LIPN: variants seen among roughly 807,000 people sequenced by gnomAD.
LIPN encodes lipase family member N, also known as lipase member N.
LIPN carries 32 observed loss-of-function variants against 43.7 expected under a neutral mutation model. That is an observed-to-expected ratio of 0.73 (90% CI 0.55 to 0.98). The LOEUF is 0.98. LIPN is among the 50% of genes least tolerant of loss of function. LIPN has a pLI of 0.00. For missense variants in LIPN, 505 were observed against 483.8 expected (o/e 1.04, Z -0.41); for synonymous variants, 156 against 157.6 (o/e 0.99, Z 0.08).
At chr10:88,761,697 A>G (rs1391453481) in intron 2 of LIPN, among the ~76,000 whole-genome samples, 184 bp downstream of exon 2, 1 of 152,032 alleles carries the variant, frequency 6.6e-6, no homozygotes. Flanking sequence ...TCCGGTAATG[A>G]AAACCAAATT....
At chr10:88,768,702 GA>G in intron 5 of LIPN, 89 bp from the exon 6 acceptor site, 4 of 1,073,600 alleles carry the variant, frequency 3.7e-6, no homozygotes, top group South Asian at 1.6e-5. Context: ...ACGATAGAAG[GA>G]AAAAATGACT....
At chr10:88,771,496 A>G (rs531207461) in intron 7 of LIPN, among the ~76,000 whole-genome samples, 69 of 151,728 alleles carry the variant, frequency 4.5e-4, no homozygotes, top group Non-Finnish European at 8.2e-4. Context: ...ACTCCCCTAT[A>G]TGAGTGAGAA....
chr10:88,760,730 G>T (rs1214874081), intron 1 of LIPN, among the ~76,000 whole-genome samples: 1 of 152,064 alleles, frequency 6.6e-6, no homozygotes, highest in Non-Finnish European at 1.5e-5. Flanking sequence ...CTTGCCTGAG[G>T]TTAGACATCT....
chr10:88,757,446 C>T (rs1237120887), upstream of LIPN, among the ~76,000 whole-genome samples: 1 of 152,102 alleles, frequency 6.6e-6, no homozygotes, highest in East Asian at 1.9e-4. Flanking sequence ...GTGATCTTTC[C>T]TTTGAACATT....
chr10:88,776,891 A>G lies in LIPN; in HGVS notation c.964-1118A>G, dbSNP rs990954503. ...AAGTTATTCCGGTCCTGTGCCCTTG[A>G]TCCCATCTCTTCTCACTTCCCCTTC... is the stretch of plus-strand genomic sequence containing the variant. On this transcript the variant is annotated intron_variant, in intron 9 of 9. Coordinates refer to ENST00000404459, the MANE Select transcript of LIPN (RefSeq NM_001102469.2). Among the ~76,000 whole-genome samples the G allele has an allele frequency of 2.6e-5, 4 of 151,834 alleles. No individual in the cohort carries two copies. In the East Asian group the frequency reaches 7.7e-4, roughly 29 times the overall value.
chr10:88,775,570 C>T (rs1250022768), intron 9 of LIPN, among the ~76,000 whole-genome samples: 1 of 151,870 alleles, frequency 6.6e-6, no homozygotes, highest in Non-Finnish European at 1.5e-5. Flanking sequence ...AAAATCTTTA[C>T]AGCATAAATG....
chr10:88,773,544 C>A (rs1344152491), intron 7 of LIPN, among the ~76,000 whole-genome samples: 1 of 151,768 alleles, frequency 6.6e-6, no homozygotes, highest in African/African-American at 2.4e-5. Context: ...GAAGAAGCAG[C>A]AGTCCTGTTT....
At chr10:88,766,429 CA>C (rs1419016648) in intron 5 of LIPN, 51 bp downstream of exon 5, 1 of 1,019,700 alleles carries the variant, frequency 9.8e-7, no homozygotes, top group Non-Finnish European at 1.6e-6. Context: ...TCAGTTTTCT[CA>C]GAGTCTTACA....
At chr10:88,766,210 C>T (rs1843093445) in intron 4 of LIPN, 59 bp from the exon 5 acceptor site, 2 of 815,904 alleles carry the variant, frequency 2.5e-6, no homozygotes. Flanking sequence ...TGAGCAAGTG[C>T]TCTGAGTTTT....
At chr10:88,772,779 A>C (rs1843231449) in intron 7 of LIPN, among the ~76,000 whole-genome samples, 1 of 151,828 alleles carries the variant, frequency 6.6e-6, no homozygotes, top group Non-Finnish European at 1.5e-5. Context: ...TGATAAACAA[A>C]TTCATTAAAT....
rs747875929 is a variant in LIPN, at chr10:88,778,430, G to A, written c.*188G>A. Among the ~76,000 whole-genome samples the A allele has an allele frequency of 2.0e-5, 3 of 152,052 alleles. No individual in the cohort carries two copies. The highest frequency in any genetic ancestry group is 4.4e-5 in the Non-Finnish European group (3 of 68,000). On this transcript the variant is annotated 3_prime_UTR_variant, in exon 10 of 10. Transcript: ENST00000404459. ...ACATCTTTGCATGGGACCATCTACA[G>A]GTCCTTATAAACAATGAGGTAGATT...
chr10:88,761,576 G>T, intron 2 of LIPN, 63 bp downstream of exon 2: 1 of 1,105,398 alleles, frequency 9.0e-7, no homozygotes, highest in Non-Finnish European at 1.4e-6. Context: ...ATGAGGTTAC[G>T]AAAGGTCCTG....
Position 88,778,061 on chromosome 10 carries a change from G to A in LIPN, c.1016G>A (p.Trp339Ter), listed in dbSNP as rs777508851. The change falls in exon 10 of 10, where the codon TGG becomes TAG. Residue 339 changes from tryptophan to a stop codon, truncating the protein, a stop_gained. Transcript: ENST00000404459. LOFTEE classifies it high-confidence loss of function. ...GCCATGAAAGTGCCTACTGCTATTTGGGCTGGTGGACATGATGTCCTCGTA... is the reference window on the plus strand; with the variant it reads ...GCCATGAAAGTGCCTACTGCTATTTAGGCTGGTGGACATGATGTCCTCGTA... ...LTAMKVPTAI[W>*]AGGHDVLVTP... The A allele has an allele frequency of 1.2e-6, 2 of 1,613,500 alleles. No homozygotes were observed. The highest frequency in any genetic ancestry group is 1.7e-4 in the Middle Eastern group (1 of 6,058).
intron 1 of LIPN, among the ~76,000 whole-genome samples, 172 bp from the exon 2 acceptor site, chr10:88,761,226 A>T (rs1244819308): frequency 6.6e-6 from 1 of 152,182 alleles, no homozygotes; most frequent in African/African-American, 2.4e-5. Flanking sequence ...ATGAAAAAAT[A>T]GATTAATAGT....
intron 3 of LIPN, among the ~76,000 whole-genome samples, chr10:88,763,806 T>C (rs1415691607): frequency 6.6e-6 from 1 of 152,034 alleles, no homozygotes; most frequent in African/African-American, 2.4e-5. Context: ...TGCTCTCCAC[T>C]GGACAGAGGA....
intron 5 of LIPN, among the ~76,000 whole-genome samples, chr10:88,766,688 C>T (rs1018639535): frequency 3.3e-5 from 5 of 151,882 alleles, no homozygotes; most frequent in African/African-American, 1.2e-4. Flanking sequence ...TCTAGATTCC[C>T]TCTGAGCTGA....
At chr10:88,763,219 G>C (rs1272675189) in intron 3 of LIPN, among the ~76,000 whole-genome samples, 1 of 151,972 alleles carries the variant, frequency 6.6e-6, no homozygotes, top group Non-Finnish European at 1.5e-5. Flanking sequence ...AAATAATTTT[G>C]TATAAGTCTC....
chr10:88,771,369 G>A (rs1485482190), intron 7 of LIPN, among the ~76,000 whole-genome samples: 1 of 151,626 alleles, frequency 6.6e-6, no homozygotes, highest in Admixed American at 6.6e-5. Flanking sequence ...CCTTCTAACG[G>A]TATTTTGGTA....
chr10:88,776,137 A>G (rs1389384459), intron 9 of LIPN, among the ~76,000 whole-genome samples: 1 of 152,038 alleles, frequency 6.6e-6, no homozygotes, highest in Non-Finnish European at 1.5e-5. Context: ...GGACGTTTAT[A>G]TCACCACTAA....
Sources: gnomAD v4.1 joint callset for allele counts (sites outside exome capture counted in the v4.1 genomes callset) on GRCh38, gnomAD v4.1.1 for gene constraint, MANE v1.5 for transcripts, NCBI Gene and HGNC (gene_info 2026-07-23, HGNC 2026-07-21) for gene names.